Variants in TC2N observed in about 807,000 individuals in gnomAD.
The protein encoded by TC2N is tandem C2 domains nuclear protein.
Under a neutral mutation model 61.9 loss-of-function variants are expected in TC2N, and 51 were observed. That is an observed-to-expected ratio of 0.82 (90% confidence interval 0.66 to 1.04). The LOEUF is 1.04. Ranked by LOEUF, TC2N falls within the 50% of genes least tolerant of loss-of-function variation. The pLI is 0.00. For missense variants in TC2N, 556 were observed against 566.7 expected (o/e 0.98, Z 0.19); for synonymous variants, 204 against 192.6 (o/e 1.06, Z -0.49).
chr14:91,850,799 CAGG>C (rs1360115045), intron 1 of TC2N, among the ~76,000 whole-genome samples: 1 of 152,130 alleles, frequency 6.6e-6, no homozygotes, highest in Non-Finnish European at 1.5e-5. Flanking sequence ...GGTGTGGTGG[CAGG>C]AGCCTGTAAT....
intron 1 of TC2N, among the ~76,000 whole-genome samples, chr14:91,845,640 G>A (rs1278501090): frequency 1.3e-5 from 2 of 152,158 alleles, no homozygotes; most frequent in Non-Finnish European, 2.9e-5. Context: ...CTTACTTTGG[G>A]TAAGGGAACA....
chr14:91,805,298 A>AATATTTTTGT (rs1886457862), intron 3 of TC2N, among the ~76,000 whole-genome samples: 1 of 152,240 alleles, frequency 6.6e-6, no homozygotes, highest in African/African-American at 2.4e-5. Flanking sequence ...TAAGGATATA[A>AATATTTTTGT]ATATTTTTGT....
chr14:91,786,445 G>A (rs1182747663), intron 10 of TC2N, among the ~76,000 whole-genome samples: 3 of 152,096 alleles, frequency 2.0e-5, no homozygotes, highest in Non-Finnish European at 4.4e-5. Context: ...ATATACAACA[G>A]AAATTACATG....
chr14:91,828,901 C>G (rs1887620620), intron 1 of TC2N, among the ~76,000 whole-genome samples: 1 of 151,932 alleles, frequency 6.6e-6, no homozygotes, highest in Admixed American at 6.6e-5. Context: ...GATCATCACC[C>G]TGTATTACTC....
At chr14:91,795,427 T>C (rs1199417561) in intron 8 of TC2N, among the ~76,000 whole-genome samples, 1 of 152,086 alleles carries the variant, frequency 6.6e-6, no homozygotes, top group African/African-American at 2.4e-5. Context: ...AACTTCACTG[T>C]TGTCTTATTT....
At chr14:91,817,952 C>T (rs1887076694) in intron 1 of TC2N, among the ~76,000 whole-genome samples, 1 of 152,128 alleles carries the variant, frequency 6.6e-6, no homozygotes, top group African/African-American at 2.4e-5. Context: ...CAGATTTATC[C>T]TACCACCTGA....
intron 10 of TC2N, among the ~76,000 whole-genome samples, chr14:91,785,866 A>C (rs894891824): frequency 2.0e-5 from 3 of 152,176 alleles, no homozygotes; most frequent in Non-Finnish European, 2.9e-5. Flanking sequence ...CAACTATTAT[A>C]AACTTTGGAA....
intron 1 of TC2N, among the ~76,000 whole-genome samples, chr14:91,862,467 C>G (rs970785903): frequency 6.6e-6 from 1 of 152,158 alleles, no homozygotes; most frequent in Non-Finnish European, 1.5e-5. Flanking sequence ...TCACCTCAGC[C>G]GTCAACAGGT....
At chr14:91,865,308 G>A (rs978490140) in intron 1 of TC2N, among the ~76,000 whole-genome samples, 5 of 149,526 alleles carry the variant, frequency 3.3e-5, no homozygotes, top group Non-Finnish European at 7.4e-5. Flanking sequence ...TTTCATCCCC[G>A]CAAAAGCTAC....
chr14:91,844,760 CAAAAAAAAAAAAA>C (rs34223127), intron 1 of TC2N, among the ~76,000 whole-genome samples: 11 of 92,546 alleles, frequency 1.2e-4, no homozygotes, highest in Non-Finnish European at 1.7e-4. Flanking sequence ...GACTCTGTCT[CAAAAAAAAAAAAA>C]AAAAAAAAAA....
At chr14:91,807,680 G>A (rs374255357) in intron 3 of TC2N, among the ~76,000 whole-genome samples, 133 of 152,276 alleles carry the variant, frequency 8.7e-4, no homozygotes, top group Non-Finnish European at 1.6e-3. Flanking sequence ...GCTCATAGGC[G>A]GAAGGGACTT....
chr14:91,823,774 A>G (rs1256899694), intron 1 of TC2N, among the ~76,000 whole-genome samples: 1 of 152,184 alleles, frequency 6.6e-6, no homozygotes, highest in Non-Finnish European at 1.5e-5. Context: ...AGAAACAAAT[A>G]TAAATGGTTA....
chr14:91,792,244 T>A, intron 9 of TC2N, 123 bp downstream of exon 9: 1 of 470,870 alleles, frequency 2.1e-6, no homozygotes, highest in Non-Finnish European at 3.7e-6. Context: ...ATAATATTAT[T>A]GCTACTTGAG....
intron 1 of TC2N, among the ~76,000 whole-genome samples, chr14:91,814,491 G>A (rs1405671202): frequency 6.6e-6 from 1 of 150,536 alleles, no homozygotes; most frequent in Non-Finnish European, 1.5e-5. Context: ...GGAGAGAGAG[G>A]GAAGGAGAAA....
rs1443165209 is a variant in TC2N, at chr14:91,856,856, T to C, written c.-57+10406A>G. 2.6e-5 allele frequency among the ~76,000 whole-genome samples: 4 copies of C among 152,142 alleles called. No individual in the cohort carries two copies. The East Asian group carries it at 7.7e-4, about 29-fold the overall frequency. On this transcript the variant is annotated intron_variant, in intron 1 of 11. Coordinates refer to ENST00000435962, the MANE Select transcript of TC2N (RefSeq NM_001128596.3). ...AGTGCCACCAGAGTTTACCTTACCT[T>C]GAAAGGTCACAGAAGTGGTCTAAAT...
At chr14:91,793,165 A>G (rs115536566) in intron 8 of TC2N, among the ~76,000 whole-genome samples, 2,960 of 152,296 alleles carry the variant, frequency 0.019, 97 homozygotes, top group African/African-American at 0.067. Context: ...CACCCATCTC[A>G]GTCAGCAAGT....
chr14:91,866,554 G>C (rs547203332), intron 1 of TC2N: 19 of 152,210 alleles, frequency 1.2e-4, no homozygotes, highest in African/African-American at 4.6e-4. Flanking sequence ...GTGGTAACAC[G>C]AGAGCTTTTG....
intron 4 of TC2N, 114 bp from the exon 5 acceptor site, chr14:91,800,486 A>G (rs1886176820): frequency 2.0e-6 from 1 of 505,788 alleles, no homozygotes. Flanking sequence ...GCAAATCTAC[A>G]GAAGAGATAA....
At chr14:91,790,058 T>G (rs1428575992) in intron 9 of TC2N, among the ~76,000 whole-genome samples, 2 of 152,138 alleles carry the variant, frequency 1.3e-5, no homozygotes, top group Non-Finnish European at 2.9e-5. Context: ...CTGTATAACC[T>G]CAGGCAAGTG....
Sources: gnomAD v4.1 joint callset for allele counts (sites outside exome capture counted in the v4.1 genomes callset) on GRCh38, gnomAD v4.1.1 for gene constraint, MANE v1.5 for transcripts, NCBI Gene and HGNC (gene_info 2026-07-23, HGNC 2026-07-21) for gene names.